The following GON4L variants were observed in gnomAD, a reference collection of about 807,000 sequenced individuals.
GON4L encodes the protein gon-4 like, also known as GON-4-like protein.
GON4L carries 87 observed loss-of-function variants against 211.8 expected under a neutral mutation model. The observed-to-expected ratio is 0.41, with a 90% CI of 0.35 to 0.49. GON4L has a LOEUF of 0.49. Ranked by LOEUF, GON4L falls within the 20% of genes least tolerant of loss-of-function variation. The probability of loss-of-function intolerance (pLI) is 0.15; values close to 1 mark genes in which losing one functional copy is unlikely to be tolerated. For synonymous variants in GON4L, 875 were observed against 962.6 expected, an observed-to-expected ratio of 0.91 and a Z score of 1.68; for missense variants, 2,155 against 2,659.5, an observed-to-expected ratio of 0.81 and a Z score of 4.17.
At chr1:155,822,506 T>A (rs771187971) in intron 3 of GON4L, 30 bp from the exon 4 acceptor site, 2 of 1,554,772 alleles carry the variant, frequency 1.3e-6, no homozygotes, top group South Asian at 1.1e-5. Flanking sequence ...ATCATCAGAA[T>A]TCCAAAATAG....
At chr1:155,789,564 G>A (rs1452550802) in intron 12 of GON4L, among the ~76,000 whole-genome samples, 1 of 151,582 alleles carries the variant, frequency 6.6e-6, no homozygotes, top group South Asian at 2.1e-4. Context: ...TCGCTTGACC[G>A]CAAGAGTTCA....
In GON4L at chr1:155,795,113, G is replaced by A. The variant is rs769547540; in HGVS notation, c.1684C>T (p.Leu562=). Residue 562 remains leucine (L), a synonymous_variant, in exon 12 of 32, where the codon CTG becomes TTG. Transcript: ENST00000368331. ...DDDDDPEYNF[L]EDLDEPDTED... Reference sequence around the variant, plus strand: ...GTGTCTGGTTCATCGAGGTCTTCCAGGAAATTATATTCTGGATCATCATCA... The same window carrying A: ...GTGTCTGGTTCATCGAGGTCTTCCAAGAAATTATATTCTGGATCATCATCA... 2 of 1,610,320 alleles carry A rather than the reference G, an allele frequency of 1.2e-6. No individual in the cohort carries two copies. The highest frequency in any genetic ancestry group is 1.7e-6 in the Non-Finnish European group (2 of 1,176,574).
rs1672010094 is a variant in GON4L, at chr1:155,853,599, A to C, written c.182T>G (p.Val61Gly). The change falls in exon 2 of 32, where the codon GTA (valine) becomes GGA (glycine). Residue 61 changes from valine to glycine, a missense_variant. Val to Gly is a moderately radical substitution (Grantham distance 109, BLOSUM62 -3). Around this residue, in one of 6 missense-constraint regions of GON4L, gnomAD observed 313 missense variants for 293.2 expected, o/e 1.07. Coordinates refer to ENST00000368331, the MANE Select transcript of GON4L (RefSeq NM_001282860.2). ...PSHGRVAGFE[V>G]QSLQDAGNQL... ...ATTTCCTGCATCCTGCAAAGACTGT[A>C]CTTCGAAGCCAGCTACTCTGCCATG... is the stretch of plus-strand genomic sequence containing the variant. 1.2e-6 allele frequency: 2 copies of C among 1,613,974 alleles called. No homozygotes were observed. The highest frequency in any genetic ancestry group is 2.2e-5 in the South Asian group (2 of 91,090).
At chr1:155,754,184 A>G (rs1412655242) in intron 28 of GON4L, 191 bp downstream of exon 28, 3 of 647,236 alleles carry the variant, frequency 4.6e-6, no homozygotes, top group Admixed American at 2.2e-5. Context: ...TACTCACAGA[A>G]TTCTCTTTAA....
chr1:155,762,322 G>A lies in GON4L; in HGVS notation c.4779C>T (p.Asn1593=). Residue 1593 remains asparagine, a synonymous_variant, in exon 23 of 32, where the codon AAC becomes AAT. Coordinates refer to ENST00000368331, the MANE Select transcript of GON4L (RefSeq NM_001282860.2). ...GKGRNNHRAR[N]KRGSRARASK... Reference sequence around the variant, plus strand: ...TGGCCCGAGCCCGACTTCCCCGCTTGTTGCGAGCTCGATGATTGTTCCGGC... The same window carrying A: ...TGGCCCGAGCCCGACTTCCCCGCTTATTGCGAGCTCGATGATTGTTCCGGC... 1 of 1,613,628 alleles carries A rather than the reference G, an allele frequency of 6.2e-7. No individual in the cohort carries two copies. The highest frequency in any genetic ancestry group is 1.7e-5 in the Admixed American group (1 of 60,006).
chr1:155,785,391 C>G lies in GON4L; in HGVS notation c.1748-17G>C, dbSNP rs1319476621. On this transcript the variant is annotated splice_polypyrimidine_tract_variant and intron_variant, in intron 12 of 31. Transcript: ENST00000368331. ...CTTCCTTTTCTGCAAGAAAGCCAGACAGTATATTGTTGGTATAAATTAGAT... is the reference window on the plus strand; with the variant it reads ...CTTCCTTTTCTGCAAGAAAGCCAGAGAGTATATTGTTGGTATAAATTAGAT... 6.4e-7 allele frequency: 1 copy of G among 1,564,996 alleles called. No homozygotes were observed. Among genetic ancestry groups the G allele is most frequent in the Non-Finnish European group, 8.8e-7 (1 of 1,135,364 alleles).
chr1:155,808,015 T>C (rs1488373585), intron 10 of GON4L, among the ~76,000 whole-genome samples: 2 of 151,900 alleles, frequency 1.3e-5, no homozygotes, highest in Non-Finnish European at 2.9e-5. Context: ...TCCAAAAATA[T>C]CACAAAAATC....
chr1:155,827,847 A>G (rs774176852), intron 2 of GON4L, among the ~76,000 whole-genome samples: 54 of 152,198 alleles, frequency 3.5e-4, no homozygotes, highest in Admixed American at 9.2e-4. Context: ...TACTAAAAAT[A>G]AAAATAAAAA....
chr1:155,770,995 T>G, intron 19 of GON4L, 72 bp downstream of exon 19: 3 of 1,602,898 alleles, frequency 1.9e-6, no homozygotes, highest in Non-Finnish European at 2.6e-6. Flanking sequence ...CTCTTTTCTT[T>G]GAGAATAACA....
intron 22 of GON4L, among the ~76,000 whole-genome samples, chr1:155,762,843 C>T (rs1239290729): frequency 6.6e-6 from 1 of 152,146 alleles, no homozygotes; most frequent in Non-Finnish European, 1.5e-5. Context: ...CGATACCAGC[C>T]TGACCAACAT....
chr1:155,816,783 A>T (rs1395784879), intron 6 of GON4L, among the ~76,000 whole-genome samples: 1 of 150,180 alleles, frequency 6.7e-6, no homozygotes, highest in East Asian at 1.9e-4. Flanking sequence ...TAAAAAAAAA[A>T]AAAAAAAAAA....
intron 19 of GON4L, among the ~76,000 whole-genome samples, chr1:155,770,692 T>C (rs1037272566): frequency 6.6e-6 from 1 of 151,658 alleles, no homozygotes; most frequent in East Asian, 1.9e-4. Flanking sequence ...CTACTGAAAA[T>C]ACAAAAATTA....
rs750474253 is a variant in GON4L, at chr1:155,765,392, G to C, written c.4081C>G (p.Pro1361Ala). The change falls in exon 21 of 32, where the codon CCA (proline) becomes GCA (alanine). Residue 1361 changes from proline to alanine, a missense_variant. Transcript: ENST00000368331. ...EHAVELDTGAPSEELSSAGEV... is the reference protein window; with the variant it reads ...EHAVELDTGAASEELSSAGEV... ...CCAGCACTGCTCAACTCCTCGCTTGGGGCACCAGTGTCCAATTCCACAGCA... is the reference window on the plus strand; with the variant it reads ...CCAGCACTGCTCAACTCCTCGCTTGCGGCACCAGTGTCCAATTCCACAGCA... 91 of 1,614,046 alleles carry C rather than the reference G, an allele frequency of 5.6e-5. No homozygotes were observed. In the South Asian group the frequency reaches 1.0e-3, roughly 18 times the overall value.
At chr1:155,768,174 G>A (rs950570351) in intron 19 of GON4L, among the ~76,000 whole-genome samples, 2 of 151,988 alleles carry the variant, frequency 1.3e-5, no homozygotes, top group African/African-American at 2.4e-5. Flanking sequence ...ATGGTGGCAC[G>A]CACCTGTAAT....
chr1:155,810,580 G>A (rs180999897), intron 10 of GON4L, among the ~76,000 whole-genome samples: 37 of 151,864 alleles, frequency 2.4e-4, no homozygotes, highest in Middle Eastern at 3.4e-3. Flanking sequence ...TGGTGTGCAC[G>A]CCTGTAGTCC....
At chr1:155,838,636 G>A (rs997696592) in intron 2 of GON4L, among the ~76,000 whole-genome samples, 3 of 151,922 alleles carry the variant, frequency 2.0e-5, no homozygotes, top group South Asian at 2.1e-4. Flanking sequence ...TTAGCCAGGC[G>A]TGGTGGTGCA....
At chr1:155,839,544 T>C (rs529197743) in intron 2 of GON4L, among the ~76,000 whole-genome samples, 14 of 151,772 alleles carry the variant, frequency 9.2e-5, no homozygotes, top group Non-Finnish European at 2.1e-4. Flanking sequence ...CCAGCTACTT[T>C]TGAGGCTGAG....
chr1:155,803,096 A>G (rs1257595884), intron 11 of GON4L, among the ~76,000 whole-genome samples: 1 of 152,230 alleles, frequency 6.6e-6, no homozygotes, highest in Non-Finnish European at 1.5e-5. Context: ...TTGTATAAAG[A>G]AAGTACTCAA....
chr1:155,787,665 C>T (rs751556957), intron 12 of GON4L, among the ~76,000 whole-genome samples: 75 of 152,052 alleles, frequency 4.9e-4, no homozygotes, highest in Admixed American at 1.6e-3. Flanking sequence ...CCCAGCTACT[C>T]GGGAGGCTGA....
Sources: allele counts gnomAD v4.1 joint callset (sites outside exome capture counted in the v4.1 genomes callset), GRCh38; gene constraint gnomAD v4.1.1; regional missense constraint gnomAD v4.1.1; transcripts MANE v1.5; gene names NCBI Gene and HGNC (gene_info 2026-07-23, HGNC 2026-07-21).